TUSC3: variants seen among roughly 807,000 people sequenced by gnomAD.
TUSC3 encodes the protein dolichyl-diphosphooligosaccharide--protein glycosyltransferase subunit TUSC3.
TUSC3 carries 45 observed loss-of-function variants against 44.8 expected under a neutral mutation model. That is an observed-to-expected ratio of 1.00 (90% confidence interval 0.79 to 1.29). TUSC3 has a LOEUF of 1.29. TUSC3 is among the 50% of genes most tolerant of loss of function. The pLI is 0.00. For synonymous variants in TUSC3, 212 were observed against 152.9 expected, an observed-to-expected ratio of 1.39 and a Z score of -2.85; for missense variants, 519 against 437.9, an observed-to-expected ratio of 1.19 and a Z score of -1.65.
At chr8:15,807,700 A>G in the TUSC3 span, among the ~76,000 whole-genome samples, 1 of 152,206 alleles carries the variant, frequency 6.6e-6, no homozygotes, top group African/African-American at 2.4e-5. Flanking sequence ...GAACAAAAGC[A>G]TGTCCTTTGC....
At chr8:15,710,844 A>G (rs1349389903) in intron 6 of TUSC3, among the ~76,000 whole-genome samples, 1 of 147,696 alleles carries the variant, frequency 6.8e-6, no homozygotes, top group Admixed American at 6.8e-5. Flanking sequence ...ATATATATTC[A>G]CTTCATGCAA....
intron 1 of TUSC3, among the ~76,000 whole-genome samples, chr8:15,459,103 A>C (rs1018441152): frequency 2.0e-5 from 3 of 152,186 alleles, no homozygotes; most frequent in Admixed American, 6.5e-5. Flanking sequence ...TAGCCTTATG[A>C]CCCAAGTTTA....
intron 1 of TUSC3, among the ~76,000 whole-genome samples, chr8:15,570,953 A>ATTTTTTTTTTTTTTTTTTTT (rs1491358652): frequency 2.1e-4 from 5 of 24,356 alleles, no homozygotes; most frequent in Non-Finnish European, 7.0e-4. Context: ...ATTGCCTATT[A>ATTTTTTTTTTTTTTTTTTTT]GTTTTTTTTT....
At chr8:15,618,252 GATA>G (rs991883067) in intron 1 of TUSC3, among the ~76,000 whole-genome samples, 1 of 152,026 alleles carries the variant, frequency 6.6e-6, no homozygotes, top group Non-Finnish European at 1.5e-5. Context: ...ATTTTTCTTT[GATA>G]ATAAATTAAC....
At chr8:15,537,603 T>C (rs978582382), upstream of TUSC3, among the ~76,000 whole-genome samples, 1 of 152,182 alleles carries the variant, frequency 6.6e-6, no homozygotes, top group Non-Finnish European at 1.5e-5. Context: ...TAATGAATGC[T>C]AGAGTTACAA....
the TUSC3 span, among the ~76,000 whole-genome samples, chr8:15,827,116 T>C: frequency 3.3e-5 from 5 of 152,166 alleles, no homozygotes; most frequent in Non-Finnish European, 5.9e-5. Flanking sequence ...AAGCTTTTCT[T>C]ACCGATATGG....
chr8:15,711,532 G>A (rs1585255892), intron 6 of TUSC3, among the ~76,000 whole-genome samples: 2 of 148,702 alleles, frequency 1.3e-5, no homozygotes, highest in South Asian at 2.1e-4. Flanking sequence ...TTTAATATAT[G>A]TATATATATT....
chr8:15,458,041 A>G (rs1313368202), intron 1 of TUSC3, among the ~76,000 whole-genome samples: 1 of 151,970 alleles, frequency 6.6e-6, no homozygotes, highest in Non-Finnish European at 1.5e-5. Flanking sequence ...TTCAAAACAT[A>G]CTCTTTAGGA....
intron 1 of TUSC3, among the ~76,000 whole-genome samples, chr8:15,441,340 G>A (rs28580726): frequency 0.16 from 24,721 of 152,202 alleles, 2,092 homozygotes; most frequent in Middle Eastern, 0.23. Flanking sequence ...CCAGGAGGTG[G>A]AGTTTTCAGT....
intron 1 of TUSC3, among the ~76,000 whole-genome samples, chr8:15,565,938 T>C (rs547329887): frequency 6.6e-6 from 1 of 152,246 alleles, no homozygotes; most frequent in South Asian, 2.1e-4. Context: ...TACAAAACTT[T>C]CTATAGCTTA....
chr8:15,503,601 G>C (rs1376980742), intron 2 of TUSC3, among the ~76,000 whole-genome samples: 1 of 152,086 alleles, frequency 6.6e-6, no homozygotes, highest in African/African-American at 2.4e-5. Flanking sequence ...CTACTCACAA[G>C]GCTAAGAAGG....
chr8:15,607,999 G>A (rs150176480), intron 1 of TUSC3, among the ~76,000 whole-genome samples: 3 of 152,282 alleles, frequency 2.0e-5, no homozygotes, highest in East Asian at 3.9e-4. Flanking sequence ...TACAGCAAGT[G>A]CAGTTTGGGG....
At chr8:15,640,955 A>G (rs1419030311) in intron 2 of TUSC3, among the ~76,000 whole-genome samples, 2 of 152,204 alleles carry the variant, frequency 1.3e-5, no homozygotes, top group African/African-American at 2.4e-5. Flanking sequence ...CACGAAGACT[A>G]GGAATTCATG....
At chr8:15,845,474 C>G in the TUSC3 span, among the ~76,000 whole-genome samples, 1 of 152,082 alleles carries the variant, frequency 6.6e-6, no homozygotes, top group Admixed American at 6.6e-5. Flanking sequence ...TTCCGTTCCC[C>G]AAAAGATTAA....
At chr8:15,684,152 T>C (rs1808529186) in intron 6 of TUSC3, among the ~76,000 whole-genome samples, 1 of 151,964 alleles carries the variant, frequency 6.6e-6, no homozygotes, top group Non-Finnish European at 1.5e-5. Context: ...TTCTGAGATT[T>C]GGTGGTAACC....
the TUSC3 span, among the ~76,000 whole-genome samples, chr8:15,822,785 A>T: frequency 6.6e-6 from 1 of 152,164 alleles, no homozygotes; most frequent in African/African-American, 2.4e-5. Context: ...TGCTGCTGAT[A>T]GGTCAAGTGA....
At chr8:15,537,760 C>T (rs951994320), upstream of TUSC3, among the ~76,000 whole-genome samples, 11 of 152,042 alleles carry the variant, frequency 7.2e-5, no homozygotes, top group South Asian at 2.1e-4. Flanking sequence ...GATTGAAGTA[C>T]CATTGCTTAC....
At chr8:15,762,368 G>A (rs1265622755) in intron 10 of TUSC3, among the ~76,000 whole-genome samples, 1 of 151,810 alleles carries the variant, frequency 6.6e-6, no homozygotes, top group Non-Finnish European at 1.5e-5. Flanking sequence ...ACAACTGATT[G>A]TTACACCAGG....
the TUSC3 span, among the ~76,000 whole-genome samples, chr8:15,810,856 C>T: frequency 6.6e-6 from 1 of 152,000 alleles, no homozygotes; most frequent in Non-Finnish European, 1.5e-5. Context: ...CGTAAAGATC[C>T]GCAACATTTA....
Sources: gnomAD v4.1 joint callset for allele counts (sites outside exome capture counted in the v4.1 genomes callset) on GRCh38, gnomAD v4.1.1 for gene constraint, MANE v1.5 for transcripts, NCBI Gene and HGNC (gene_info 2026-07-23, HGNC 2026-07-21) for gene names.